Variants in MARCHF11 observed in about 807,000 individuals in gnomAD.
MARCHF11 encodes the protein membrane associated ring-CH-type finger 11.
MARCHF11 carries 29 observed loss-of-function variants against 37.3 expected under a neutral mutation model. That is an observed-to-expected ratio of 0.78 (90% CI 0.58 to 1.06). The LOEUF (loss-of-function observed/expected upper bound fraction) is 1.06. Ranked by LOEUF, MARCHF11 falls within the 50% of genes least tolerant of loss-of-function variation. The pLI is 0.00. For synonymous variants in MARCHF11, 233 were observed against 228.0 expected (o/e 1.02, Z -0.20); for missense variants, 482 against 533.4 (o/e 0.90, Z 0.95).
intron 3 of MARCHF11, among the ~76,000 whole-genome samples, chr5:16,077,679 AT>A (rs1408293162): frequency 6.6e-6 from 1 of 152,222 alleles, no homozygotes; most frequent in Non-Finnish European, 1.5e-5. Flanking sequence ...TAACCTAAAT[AT>A]AAAAATGCTC....
At chr5:16,167,915 A>G (rs78820153) in intron 2 of MARCHF11, among the ~76,000 whole-genome samples, 2,764 of 152,178 alleles carry the variant, frequency 0.018, 99 homozygotes, top group African/African-American at 0.063. Flanking sequence ...ATTAAAAAGT[A>G]ACAATTTCTA....
chr5:16,154,263 A>G (rs1737932529), intron 2 of MARCHF11, among the ~76,000 whole-genome samples: 1 of 151,952 alleles, frequency 6.6e-6, no homozygotes, highest in African/African-American at 2.4e-5. Flanking sequence ...TTCTGTAAGG[A>G]GTAATGTGAG....
chr5:16,077,418 T>C (rs998500062), intron 3 of MARCHF11, among the ~76,000 whole-genome samples: 1 of 152,166 alleles, frequency 6.6e-6, no homozygotes, highest in African/African-American at 2.4e-5. Context: ...TGCTCTGTTT[T>C]GGGGGAGCGA....
Position 16,135,004 on chromosome 5 carries a change from A to T in MARCHF11, c.693+42722T>A, listed in dbSNP as rs1015694270. Reference sequence around the variant, plus strand: ...CTCTCTCTCTCTCTCTCTCTCACACACACACACACACACACACACACACAT... The same window carrying T: ...CTCTCTCTCTCTCTCTCTCTCACACTCACACACACACACACACACACACAT... On this transcript the variant is annotated intron_variant, in intron 2 of 3. Transcript: ENST00000332432. Among the ~76,000 whole-genome samples, 430 of 146,134 alleles carry T rather than the reference A, an allele frequency of 2.9e-3. 4 individuals are homozygous for T. Among genetic ancestry groups the T allele is most frequent in the African/African-American group, 9.0e-3 (348 of 38,782 alleles).
chr5:16,080,377 C>G (rs1240962120), intron 3 of MARCHF11, among the ~76,000 whole-genome samples: 1 of 152,136 alleles, frequency 6.6e-6, no homozygotes, highest in African/African-American at 2.4e-5. Flanking sequence ...CCACCGTGTT[C>G]CCCAAACTGC....
At chr5:16,178,819 G>C (rs985769690) in intron 1 of MARCHF11, among the ~76,000 whole-genome samples, 3 of 152,214 alleles carry the variant, frequency 2.0e-5, no homozygotes, top group Admixed American at 6.5e-5. Context: ...AGGAAGTGTA[G>C]ATGAAATTAA....
chr5:16,107,794 A>G (rs1236497837), intron 2 of MARCHF11, among the ~76,000 whole-genome samples: 1 of 152,028 alleles, frequency 6.6e-6, no homozygotes. Context: ...CGTGGCAGAG[A>G]AACAGAGAAG....
At chr5:16,086,694 G>A (rs1736704193) in intron 3 of MARCHF11, among the ~76,000 whole-genome samples, 1 of 152,202 alleles carries the variant, frequency 6.6e-6, no homozygotes, top group Non-Finnish European at 1.5e-5. Context: ...AGATGCTAAA[G>A]TGACTTGGTG....
intron 2 of MARCHF11, among the ~76,000 whole-genome samples, chr5:16,132,873 A>C (rs1309153686): frequency 6.6e-6 from 1 of 152,220 alleles, no homozygotes; most frequent in Non-Finnish European, 1.5e-5. Flanking sequence ...GCAAGAAAAT[A>C]ATAAAACATA....
chr5:16,081,781 C>T (rs959406487), intron 3 of MARCHF11, among the ~76,000 whole-genome samples: 12 of 152,152 alleles, frequency 7.9e-5, no homozygotes, highest in African/African-American at 2.9e-4. Context: ...TCCATAAGAA[C>T]TTGAATTTTA....
chr5:16,138,098 G>A (rs1452576905), intron 2 of MARCHF11, among the ~76,000 whole-genome samples: 1 of 152,176 alleles, frequency 6.6e-6, no homozygotes. Context: ...TAAGTAACAA[G>A]GAGCCAAATG....
At chr5:16,178,952 T>TA (rs1421949513) in intron 1 of MARCHF11, 87 bp downstream of exon 1, 1 of 1,322,650 alleles carries the variant, frequency 7.6e-7, no homozygotes, top group Non-Finnish European at 9.6e-7. Flanking sequence ...AACTGGGAGG[T>TA]AGGCGTGCGC....
intron 2 of MARCHF11, among the ~76,000 whole-genome samples, chr5:16,101,142 C>T (rs1736948260): frequency 1.3e-5 from 2 of 152,160 alleles, no homozygotes; most frequent in Non-Finnish European, 2.9e-5. Flanking sequence ...CACATCTCAT[C>T]TCTCCATGTT....
chr5:16,086,259 C>T lies in MARCHF11; in HGVS notation c.886+4630G>A, dbSNP rs151101827. On this transcript the variant is annotated intron_variant, in intron 3 of 3. Transcript: ENST00000332432. ...GGAAGTATCCATTTACCTAAACCCA[C>T]GTAAACCTAATGAAAAAATCTGGAT... 5.7e-3 allele frequency among the ~76,000 whole-genome samples: 867 copies of T among 152,180 alleles called. 7 individuals carry two copies. The highest frequency in any genetic ancestry group is 0.019 in the African/African-American group (807 of 41,504).
intron 2 of MARCHF11, among the ~76,000 whole-genome samples, chr5:16,114,636 G>C (rs1737200844): frequency 6.6e-6 from 1 of 151,900 alleles, no homozygotes; most frequent in Admixed American, 6.6e-5. Context: ...TGTGTAACAA[G>C]GGTTGATATT....
At chr5:16,164,803 C>T (rs969969618) in intron 2 of MARCHF11, among the ~76,000 whole-genome samples, 3 of 152,162 alleles carry the variant, frequency 2.0e-5, no homozygotes, top group East Asian at 3.9e-4. Context: ...TTCATCCCTG[C>T]CATCATCCTA....
rs570035948 is a variant in MARCHF11 at position 16,102,886 on chromosome 5, C to T, written c.694-11805G>A. Among the ~76,000 whole-genome samples, 43 of 152,286 alleles carry T rather than the reference C, an allele frequency of 2.8e-4. No homozygotes were observed. In the South Asian group the frequency reaches 5.6e-3, roughly 20 times the overall value. On this transcript the variant is annotated intron_variant, in intron 2 of 3. Transcript: ENST00000332432. ...ACCTGCATGCTCCCCCTCTTGCAAG[C>T]GGTTTGAGCATTGTTGGCTGATTAA... is the stretch of plus-strand genomic sequence containing the variant.
chr5:16,157,192 T>A (rs1032815310), intron 2 of MARCHF11, among the ~76,000 whole-genome samples: 3 of 107,228 alleles, frequency 2.8e-5, no homozygotes, highest in Admixed American at 1.1e-4. Context: ...ATAAAAGACA[T>A]TGAAGAAGAC....
At chr5:16,168,923 G>A (rs1165703504) in intron 2 of MARCHF11, among the ~76,000 whole-genome samples, 1 of 151,960 alleles carries the variant, frequency 6.6e-6, no homozygotes, top group Non-Finnish European at 1.5e-5. Context: ...TATAACATAG[G>A]AAACAAGTTA....
Sources: allele counts gnomAD v4.1 joint callset (sites outside exome capture counted in the v4.1 genomes callset), GRCh38; gene constraint gnomAD v4.1.1; transcripts MANE v1.5; gene names NCBI Gene and HGNC (gene_info 2026-07-23, HGNC 2026-07-21).